SPOCK1: variants seen among roughly 807,000 people sequenced by gnomAD.
SPOCK1 encodes testican-1.
SPOCK1 carries 23 observed loss-of-function variants against 55.3 expected under a neutral mutation model. The ratio of observed to expected loss-of-function variants is 0.42; its 90% CI spans 0.30 to 0.59. The LOEUF is 0.59. Ranked by LOEUF, SPOCK1 falls within the 20% of genes least tolerant of loss-of-function variation. SPOCK1 has a pLI of 0.22. For missense variants in SPOCK1, 499 were observed against 552.5 expected (o/e 0.90, Z 0.97); for synonymous variants, 226 against 221.0 (o/e 1.02, Z -0.20).
intron 2 of SPOCK1, among the ~76,000 whole-genome samples, chr5:137,462,737 T>C (rs558412148): frequency 2.0e-5 from 3 of 152,334 alleles, no homozygotes; most frequent in Non-Finnish European, 2.9e-5. Context: ...ATTTCAGATA[T>C]AATGCCCTTA....
intron 2 of SPOCK1, among the ~76,000 whole-genome samples, chr5:137,386,675 C>G (rs1045000819): frequency 6.6e-6 from 1 of 152,074 alleles, no homozygotes; most frequent in African/African-American, 2.4e-5. Flanking sequence ...GATCACAGAC[C>G]TATGTGTAAA....
At chr5:137,492,697 G>A (rs141933704) in intron 2 of SPOCK1, among the ~76,000 whole-genome samples, 1 of 152,176 alleles carries the variant, frequency 6.6e-6, no homozygotes, top group Non-Finnish European at 1.5e-5. Context: ...AGTTTTTTAT[G>A]GGGGGAGGGC....
chr5:137,132,014 AT>A (rs1275332887), intron 4 of SPOCK1, among the ~76,000 whole-genome samples: 4 of 99,444 alleles, frequency 4.0e-5, no homozygotes, highest in East Asian at 2.4e-4. Context: ...ATATATATAT[AT>A]ATATAAAAAA....
intron 3 of SPOCK1, among the ~76,000 whole-genome samples, chr5:137,196,788 A>C (rs2127073582): frequency 6.6e-6 from 1 of 152,336 alleles, no homozygotes; most frequent in African/African-American, 2.4e-5. Flanking sequence ...GGAGGGCAAG[A>C]ATTGTGCTTG....
chr5:137,431,835 A>G (rs1752751062), intron 2 of SPOCK1, among the ~76,000 whole-genome samples: 1 of 152,252 alleles, frequency 6.6e-6, no homozygotes, highest in African/African-American at 2.4e-5. Context: ...CCCAGCCTGA[A>G]GAACTATGAG....
chr5:137,127,313 A>C (rs902142365), intron 4 of SPOCK1, among the ~76,000 whole-genome samples: 3 of 152,246 alleles, frequency 2.0e-5, no homozygotes, highest in Non-Finnish European at 4.4e-5. Context: ...GGCAATGCCC[A>C]CCTACTCCAG....
intron 2 of SPOCK1, among the ~76,000 whole-genome samples, chr5:137,372,418 G>A (rs1212095936): frequency 2.0e-5 from 3 of 152,064 alleles, no homozygotes; most frequent in East Asian, 3.9e-4. Flanking sequence ...GCATGCTGAG[G>A]GAAAGTGTAA....
intron 5 of SPOCK1, among the ~76,000 whole-genome samples, chr5:137,093,604 G>A (rs1253565760): frequency 1.3e-5 from 2 of 152,148 alleles, no homozygotes; most frequent in South Asian, 2.1e-4. Flanking sequence ...AGTAATGAGG[G>A]GAAGACAGCT....
chr5:137,201,505 C>T (rs866055742), intron 3 of SPOCK1, among the ~76,000 whole-genome samples: 1 of 152,154 alleles, frequency 6.6e-6, no homozygotes, highest in Non-Finnish European at 1.5e-5. Flanking sequence ...GTAACATTTC[C>T]AGCTGTTTGG....
chr5:137,204,393 C>T (rs552448679), intron 3 of SPOCK1, among the ~76,000 whole-genome samples: 2 of 152,234 alleles, frequency 1.3e-5, no homozygotes, highest in Admixed American at 1.3e-4. Flanking sequence ...AATGACTCAG[C>T]TCTGATGGAA....
At position 137,082,121 on chromosome 5, in the gene SPOCK1, G is replaced by A. The variant is rs72792589; in HGVS notation, c.475-14292C>T. On this transcript the variant is annotated intron_variant, in intron 5 of 10. Coordinates refer to ENST00000394945, the MANE Select transcript of SPOCK1 (RefSeq NM_004598.4). ...CACCACTTGCTCCATGGCCAGAAAC[G>A]CCCAAGTCACATGGTCCATGCAGAC... 5.5e-3 allele frequency among the ~76,000 whole-genome samples: 845 copies of A among 152,296 alleles called. 11 individuals carry two copies. The highest frequency in any genetic ancestry group is 0.018 in the African/African-American group (746 of 41,552).
chr5:136,995,629 C>G (rs1561574352), intron 6 of SPOCK1, among the ~76,000 whole-genome samples: 1 of 152,170 alleles, frequency 6.6e-6, no homozygotes, highest in Non-Finnish European at 1.5e-5. Context: ...GTTCTCTGAA[C>G]AGAGAAAATT....
chr5:137,185,239 T>C (rs1378707385), intron 3 of SPOCK1, among the ~76,000 whole-genome samples: 1 of 152,214 alleles, frequency 6.6e-6, no homozygotes, highest in Non-Finnish European at 1.5e-5. Context: ...GACTTTTTTA[T>C]TTCTTATTCT....
intron 6 of SPOCK1, among the ~76,000 whole-genome samples, chr5:137,005,235 T>C (rs1170483987): frequency 6.6e-6 from 1 of 152,164 alleles, no homozygotes; most frequent in African/African-American, 2.4e-5. Context: ...TGTGAATCTA[T>C]AAAGATAGCC....
chr5:137,441,063 A>G (rs1272018667), intron 2 of SPOCK1, among the ~76,000 whole-genome samples: 1 of 152,238 alleles, frequency 6.6e-6, no homozygotes, highest in Non-Finnish European at 1.5e-5. Flanking sequence ...TCTGCAGGTG[A>G]TTGAACATCC....
At chr5:137,029,914 G>A (rs1248161570) in intron 6 of SPOCK1, among the ~76,000 whole-genome samples, 2 of 152,172 alleles carry the variant, frequency 1.3e-5, no homozygotes, top group African/African-American at 4.8e-5. Flanking sequence ...TCTGTTTGTT[G>A]CTCAAATTTG....
intron 2 of SPOCK1, among the ~76,000 whole-genome samples, chr5:137,288,425 C>A (rs1407566653): frequency 6.6e-6 from 1 of 152,212 alleles, no homozygotes; most frequent in East Asian, 1.9e-4. Flanking sequence ...GAATCCTACA[C>A]AATGCTTCCC....
chr5:137,042,344 T>G (rs1256672036), intron 6 of SPOCK1, among the ~76,000 whole-genome samples: 1 of 152,104 alleles, frequency 6.6e-6, no homozygotes, highest in Non-Finnish European at 1.5e-5. Flanking sequence ...AGAGAATATT[T>G]TTAGAGTAAT....
chr5:137,132,370 G>A (rs1335923772), intron 4 of SPOCK1, among the ~76,000 whole-genome samples: 1 of 152,014 alleles, frequency 6.6e-6, no homozygotes, highest in Non-Finnish European at 1.5e-5. Flanking sequence ...ATCACACCTA[G>A]TAATTATCTA....
Sources: allele counts gnomAD v4.1 joint callset (sites outside exome capture counted in the v4.1 genomes callset), GRCh38; gene constraint gnomAD v4.1.1; transcripts MANE v1.5; gene names NCBI Gene and HGNC (gene_info 2026-07-23, HGNC 2026-07-21).